The following FOXP1 variants were observed in gnomAD, a reference collection of about 807,000 sequenced individuals.
FOXP1 encodes the protein forkhead box protein P1.
FOXP1 carries 15 observed loss-of-function variants against 98.2 expected under a neutral mutation model. That is an observed-to-expected ratio of 0.15 (90% CI 0.10 to 0.24). The LOEUF is 0.24. Ranked by LOEUF, FOXP1 falls within the 10% of genes least tolerant of loss-of-function variation. The pLI, the probability that FOXP1 is intolerant of heterozygous loss-of-function variation, is 1.00. For synonymous variants in FOXP1, 371 were observed against 314.5 expected, an observed-to-expected ratio of 1.18 and a Z score of -1.90; for missense variants, 633 against 848.5, an observed-to-expected ratio of 0.75 and a Z score of 3.15.
At chr3:71,030,536 G>A (rs540732205) in intron 11 of FOXP1, among the ~76,000 whole-genome samples, 55 of 152,296 alleles carry the variant, frequency 3.6e-4, no homozygotes, top group African/African-American at 1.3e-3. Context: ...TTCTACTGCA[G>A]TGTCAGCTCC....
chr3:71,042,854 G>A (rs993698136), intron 10 of FOXP1, among the ~76,000 whole-genome samples: 3 of 152,108 alleles, frequency 2.0e-5, no homozygotes, highest in Non-Finnish European at 4.4e-5. Context: ...TCATCTCAAC[G>A]TGATCAGCCA....
In FOXP1 at chr3:71,077,869, G is replaced by A. The variant is rs56308604; in HGVS notation, c.283-24096C>T. 1.3e-3 allele frequency among the ~76,000 whole-genome samples: 182 copies of A among 144,458 alleles called. 2 individuals are homozygous for A. The highest frequency in any genetic ancestry group is 2.0e-3 in the Admixed American group (28 of 14,092). The allele number at this position is 144,458 out of a possible 152,430, so 94.8% of individuals were successfully genotyped here. On this transcript the variant is annotated intron_variant, in intron 7 of 20. Transcript: ENST00000649528. ...TTTTTTGAGATGGAGTTTCACTCTT[G>A]TTGCCCAGGCTGGAGTGCAATGGCG...
At chr3:71,185,907 C>T (rs527514863) in intron 6 of FOXP1, among the ~76,000 whole-genome samples, 12 of 152,328 alleles carry the variant, frequency 7.9e-5, no homozygotes, top group African/African-American at 2.4e-4. Context: ...ATCCCACCAA[C>T]ATAGACACAG....
chr3:71,362,044 C>T (rs552016244), intron 3 of FOXP1, among the ~76,000 whole-genome samples: 2 of 152,312 alleles, frequency 1.3e-5, no homozygotes, highest in African/African-American at 4.8e-5. Context: ...TTTTTAATTA[C>T]ACATGTCTGT....
intron 3 of FOXP1, among the ~76,000 whole-genome samples, chr3:71,389,862 A>T (rs748724141): frequency 8.2e-5 from 11 of 134,228 alleles, no homozygotes; most frequent in South Asian, 2.4e-4. Context: ...TTCTGTCTTT[A>T]AAAAAAAAAA....
intron 6 of FOXP1, among the ~76,000 whole-genome samples, chr3:71,149,803 C>T (rs2060486270): frequency 6.6e-6 from 1 of 152,094 alleles, no homozygotes; most frequent in African/African-American, 2.4e-5. Flanking sequence ...CTCTTTCATT[C>T]TCTCCTCTCC....
intron 6 of FOXP1, among the ~76,000 whole-genome samples, chr3:71,192,018 C>T (rs568698417): frequency 1.2e-4 from 18 of 152,166 alleles, no homozygotes; most frequent in South Asian, 4.1e-4. Flanking sequence ...TAGCCCCCAG[C>T]ACAGTACCTG....
intron 5 of FOXP1, among the ~76,000 whole-genome samples, chr3:71,273,854 C>T (rs935831177): frequency 2.6e-5 from 4 of 152,160 alleles, no homozygotes; most frequent in African/African-American, 9.7e-5. Context: ...ATGGTGGCTA[C>T]AAAATGAGAA....
intron 3 of FOXP1, among the ~76,000 whole-genome samples, chr3:71,409,565 G>GC (rs35096525): frequency 0.6 from 90,890 of 151,378 alleles, 29,451 homozygotes; most frequent in Non-Finnish European, 0.74. Context: ...ATGAAGAATG[G>GC]CTTGAATCTA....
chr3:71,088,249 T>A (rs2055358576), intron 7 of FOXP1, among the ~76,000 whole-genome samples: 1 of 152,152 alleles, frequency 6.6e-6, no homozygotes, highest in Non-Finnish European at 1.5e-5. Context: ...TCAGTCAAGG[T>A]CTCTACTCAA....
At chr3:71,008,601 A>G (rs1213530481) in intron 12 of FOXP1, among the ~76,000 whole-genome samples, 1 of 152,178 alleles carries the variant, frequency 6.6e-6, no homozygotes, top group Non-Finnish European at 1.5e-5. Context: ...AATCAACACT[A>G]AAACTGCAAG....
chr3:71,365,297 G>A (rs2078841333), intron 3 of FOXP1, among the ~76,000 whole-genome samples: 1 of 152,136 alleles, frequency 6.6e-6, no homozygotes, highest in Admixed American at 6.5e-5. Flanking sequence ...GTTAAGAGAT[G>A]AGTGCTGGCA....
At chr3:71,554,247 G>A (rs778080715) in intron 2 of FOXP1, among the ~76,000 whole-genome samples, 3 of 152,094 alleles carry the variant, frequency 2.0e-5, no homozygotes, top group African/African-American at 7.2e-5. Context: ...CCAGCTACTC[G>A]GAAATCTGAG....
At chr3:71,076,537 G>T (rs1391679126) in intron 7 of FOXP1, among the ~76,000 whole-genome samples, 1 of 152,200 alleles carries the variant, frequency 6.6e-6, no homozygotes, top group Non-Finnish European at 1.5e-5. Context: ...GGAATGGCAC[G>T]TGCCAACATT....
At chr3:71,565,234 C>T (rs982685927) in intron 2 of FOXP1, among the ~76,000 whole-genome samples, 3 of 152,246 alleles carry the variant, frequency 2.0e-5, no homozygotes, top group South Asian at 2.1e-4. Flanking sequence ...GATGGCTTCA[C>T]GGGCTTCAGA....
intron 5 of FOXP1, among the ~76,000 whole-genome samples, chr3:71,200,104 A>AAAAAG (rs1553777309): frequency 1.3e-5 from 2 of 151,274 alleles, no homozygotes; most frequent in Non-Finnish European, 2.9e-5. Context: ...AAAAAAAAAA[A>AAAAAG]AGAGAGAAAA....
Position 71,304,921 on chromosome 3 carries a change from T to C in FOXP1, c.-72-5041A>G, listed in dbSNP as rs115114501. ...ACAGTTAACCGGTCATGAAAACTCC[T>C]TCTTTTAGAGCCTGGACATAATTCC... On this transcript the variant is annotated intron_variant, in intron 4 of 20. Transcript: ENST00000649528. Among the ~76,000 whole-genome samples the C allele has an allele frequency of 6.1e-3, 932 of 152,332 alleles. 3 individuals carry two copies. The highest frequency in any genetic ancestry group is 0.024 in the Middle Eastern group (7 of 294).
intron 3 of FOXP1, among the ~76,000 whole-genome samples, chr3:71,386,489 T>A (rs1200361268): frequency 6.6e-6 from 1 of 152,184 alleles, no homozygotes; most frequent in African/African-American, 2.4e-5. Flanking sequence ...ATGCCTGTAA[T>A]CCCATTACTT....
At chr3:71,359,867 A>G (rs1194072423) in intron 3 of FOXP1, among the ~76,000 whole-genome samples, 1 of 152,058 alleles carries the variant, frequency 6.6e-6, no homozygotes, top group Non-Finnish European at 1.5e-5. Context: ...ATCTCGGCTC[A>G]CTGCAACCTC....
Sources: gnomAD v4.1 joint callset for allele counts (sites outside exome capture counted in the v4.1 genomes callset) on GRCh38, gnomAD v4.1.1 for gene constraint, MANE v1.5 for transcripts, NCBI Gene and HGNC (gene_info 2026-07-23, HGNC 2026-07-21) for gene names.